ST7L: variants seen among roughly 807,000 people sequenced by gnomAD.
The protein encoded by ST7L is suppressor of tumorigenicity 7 protein-like.
ST7L carries 57 observed loss-of-function variants against 72.5 expected under a neutral mutation model. That is an observed-to-expected ratio of 0.79 (90% CI 0.64 to 0.98). ST7L has a LOEUF of 0.98. Among genes scored for constraint, ST7L ranks in the 50% least tolerant of loss-of-function variants. ST7L has a pLI of 0.00. For missense variants in ST7L, 576 were observed against 672.2 expected (o/e 0.86, Z 1.58); for synonymous variants, 221 against 240.9 (o/e 0.92, Z 0.77).
In ST7L at chr1:112,617,729, A is replaced by T. The variant is rs1328779520; in HGVS notation, c.206-834T>A. Among the ~76,000 whole-genome samples, 24 of 150,242 alleles carry T rather than the reference A, an allele frequency of 1.6e-4. No homozygotes were observed. The East Asian group carries it at 1.7e-3, about 11-fold the overall frequency. Reference sequence around the variant, plus strand: ...GTCTTTCTCTCTCTCACACACACACACACACACACACACACACACACACAC... The same window carrying T: ...GTCTTTCTCTCTCTCACACACACACTCACACACACACACACACACACACAC... On this transcript the variant is annotated intron_variant, in intron 1 of 14. Coordinates refer to ENST00000358039, the MANE Select transcript of ST7L (RefSeq NM_017744.5).
chr1:112,540,459 C>T, intron 14 of ST7L: 2 of 985,366 alleles, frequency 2.0e-6, no homozygotes, highest in African/African-American at 1.7e-5. Context: ...GTTCATTTTA[C>T]ACTGAAAAGA....
chr1:112,530,701 C>T (rs1654248389), intron 14 of ST7L, among the ~76,000 whole-genome samples: 1 of 152,158 alleles, frequency 6.6e-6, no homozygotes. Context: ...AGGAGTGAGC[C>T]ACCGCACCCA....
Position 112,600,785 on chromosome 1 carries a change from AT to A in ST7L, c.506+8del, listed in dbSNP as rs759651656. The A allele has an allele frequency of 2.5e-6, 4 of 1,608,842 alleles. No homozygotes were observed. Among genetic ancestry groups the A allele is most frequent in the Non-Finnish European group, 3.4e-6 (4 of 1,177,008 alleles). ...ATGCCCTACTTATACTGAAAGCAAA[AT>A]GTAATACCTCCTATATTCTGCTCCT... On this transcript the variant is annotated splice_region_variant and intron_variant, in intron 4 of 14. Coordinates refer to ENST00000358039, the MANE Select transcript of ST7L (RefSeq NM_017744.5).
At chr1:112,562,811 G>A (rs1660392178) in intron 11 of ST7L, among the ~76,000 whole-genome samples, 1 of 152,164 alleles carries the variant, frequency 6.6e-6, no homozygotes, top group South Asian at 2.1e-4. Flanking sequence ...TTGCTATTTA[G>A]GTAGATAACT....
At chr1:112,558,231 C>T (rs1019588757) in intron 11 of ST7L, among the ~76,000 whole-genome samples, 1 of 152,044 alleles carries the variant, frequency 6.6e-6, no homozygotes, top group Non-Finnish European at 1.5e-5. Flanking sequence ...AAAAGAGAAA[C>T]ATTCCAGAGG....
Position 112,555,867 on chromosome 1 carries a change from C to A in ST7L, c.1396+1G>T. On this transcript the variant is annotated splice_donor_variant, in intron 12 of 14. Coordinates refer to ENST00000358039, the MANE Select transcript of ST7L (RefSeq NM_017744.5). LOFTEE classifies it high-confidence loss of function. ...TGTTACTTTTGGAAAAGAATACTTA[C>A]TGCCTTCCCATGTACACTGTAACAG... The A allele has an allele frequency of 6.6e-7, 1 of 1,511,456 alleles. No individual in the cohort carries two copies. The allele number at this position is 1,511,456 out of a possible 1,614,324, so 93.6% of individuals were successfully genotyped here. A position where few individuals can be genotyped will look rare whatever the true frequency, so the allele number is the denominator to read the frequency against.
intron 13 of ST7L, among the ~76,000 whole-genome samples, chr1:112,547,456 G>C (rs1014392180): frequency 4.7e-5 from 7 of 150,212 alleles, no homozygotes; most frequent in African/African-American, 1.7e-4. Flanking sequence ...GCCTCCCAAA[G>C]TTCTGGGATT....
At chr1:112,542,186 A>T in intron 13 of ST7L, 96 bp from the exon 14 acceptor site, 6 of 1,281,170 alleles carry the variant, frequency 4.7e-6, no homozygotes, top group Non-Finnish European at 6.3e-6. Context: ...AAAAATTAAA[A>T]AGAAAAAAAA....
At chr1:112,520,422 T>G, downstream of ST7L, 1 of 1,614,146 alleles carries the variant, frequency 6.2e-7, no homozygotes, top group Non-Finnish European at 8.5e-7. Flanking sequence ...ACTGGTGCTG[T>G]GCTGTACGGT....
intron 9 of ST7L, among the ~76,000 whole-genome samples, chr1:112,578,788 A>G (rs1286418651): frequency 2.6e-5 from 4 of 152,144 alleles, no homozygotes; most frequent in African/African-American, 4.8e-5. Context: ...AAAAAACAAA[A>G]CAAAACAAAA....
downstream of ST7L, chr1:112,520,613 C>T (rs1031171007): frequency 8.4e-6 from 10 of 1,191,650 alleles, no homozygotes; most frequent in South Asian, 4.3e-5. Context: ...GGGCTGCTAC[C>T]GCTTCTATTT....
Position 112,550,702 on chromosome 1 carries a change from A to G in ST7L, c.1397-9T>C, listed in dbSNP as rs1224444715. 2 of 1,605,190 alleles carry G rather than the reference A, an allele frequency of 1.2e-6. No individual in the cohort carries two copies. The highest frequency in any genetic ancestry group is 8.5e-7 in the Non-Finnish European group (1 of 1,173,170). On this transcript the variant is annotated splice_polypyrimidine_tract_variant and intron_variant, in intron 12 of 14. Transcript: ENST00000358039. ...TGGAATCATTCTAAAAGCTGAGGAA[A>G]AAAAAGCATGTGTTGATACTCAATT... is the stretch of plus-strand genomic sequence containing the variant.
At chr1:112,568,861 A>AT (rs1661536936) in intron 11 of ST7L, among the ~76,000 whole-genome samples, 26 of 114,910 alleles carry the variant, frequency 2.3e-4, no homozygotes, top group South Asian at 1.1e-3. Flanking sequence ...TATAAATATA[A>AT]ATATATATAT....
At chr1:112,574,342 G>T (rs1042597192) in intron 11 of ST7L, among the ~76,000 whole-genome samples, 5 of 149,220 alleles carry the variant, frequency 3.4e-5, no homozygotes, top group African/African-American at 1.2e-4. Flanking sequence ...TCAGCCTCTC[G>T]AATAGCTGAA....
At chr1:112,534,948 TG>T (rs66505930) in intron 14 of ST7L, among the ~76,000 whole-genome samples, 9,966 of 152,238 alleles carry the variant, frequency 0.065, 909 homozygotes, top group East Asian at 0.39. Flanking sequence ...TAAACATATG[TG>T]AAACAAATTC....
the ST7L span, chr1:112,518,387 A>G: frequency 2.0e-5 from 3 of 152,348 alleles, no homozygotes; most frequent in South Asian, 2.1e-4. Context: ...TATCTTCGGT[A>G]CTGTTTGTTT....
intron 1 of ST7L, chr1:112,617,894 T>C (rs1570679344): frequency 1.2e-6 from 1 of 843,634 alleles, no homozygotes; most frequent in Non-Finnish European, 1.7e-6. Context: ...CATTCACCTG[T>C]TACAGAGATG....
At chr1:112,552,522 A>G (rs1244461638) in intron 12 of ST7L, among the ~76,000 whole-genome samples, 1 of 152,116 alleles carries the variant, frequency 6.6e-6, no homozygotes, top group African/African-American at 2.4e-5. Flanking sequence ...CTCCTGCCTC[A>G]GCCTCCCAAG....
chr1:112,568,887 T>TATAAAAAA (rs1308318369), intron 11 of ST7L, among the ~76,000 whole-genome samples: 2 of 131,558 alleles, frequency 1.5e-5, no homozygotes, highest in Non-Finnish European at 1.6e-5. Flanking sequence ...TATATATATA[T>TATAAAAAA]AAAACAAAAA....
Sources: gnomAD v4.1 joint callset for allele counts (sites outside exome capture counted in the v4.1 genomes callset) on GRCh38, gnomAD v4.1.1 for gene constraint, MANE v1.5 for transcripts, NCBI Gene and HGNC (gene_info 2026-07-23, HGNC 2026-07-21) for gene names.